The following NEO1 variants were observed in gnomAD, a reference collection of about 807,000 sequenced individuals.
NEO1 encodes neogenin.
Under a neutral mutation model 159.7 loss-of-function variants are expected in NEO1, and 63 were observed. The observed-to-expected ratio is 0.39, with a 90% CI of 0.32 to 0.49. NEO1 has a LOEUF of 0.49. Ranked by LOEUF, NEO1 falls within the 20% of genes least tolerant of loss-of-function variation. The probability of loss-of-function intolerance (pLI) is 0.85; values close to 1 mark genes in which losing one functional copy is unlikely to be tolerated. For missense variants in NEO1, 1,615 were observed against 1,831.0 expected, an observed-to-expected ratio of 0.88 and a Z score of 2.15; for synonymous variants, 633 against 662.0, an observed-to-expected ratio of 0.96 and a Z score of 0.67.
In NEO1 at chr15:73,270,596, G is replaced by T. The variant is rs566140646; in HGVS notation, c.2857+142G>T. Reference sequence around the variant, plus strand: ...TTTGCTATTTCAGCTGACAAGTTGTGTGTTTTTAATTACTGAACAAGAACA... The same window carrying T: ...TTTGCTATTTCAGCTGACAAGTTGTTTGTTTTTAATTACTGAACAAGAACA... On this transcript the variant is annotated intron_variant, in intron 18 of 28. Coordinates refer to ENST00000261908, the MANE Select transcript of NEO1 (RefSeq NM_002499.4). 7 of 941,416 alleles carry T rather than the reference G, an allele frequency of 7.4e-6. No homozygotes were observed. The Admixed American group carries it at 2.1e-4, about 28-fold the overall frequency. The allele number at this position is 941,416 out of a possible 1,614,324, so 58.3% of individuals were successfully genotyped here. A position where few individuals can be genotyped will look rare whatever the true frequency, so the allele number is the denominator to read the frequency against.
At chr15:73,086,815 C>G (rs369145948) in intron 1 of NEO1, among the ~76,000 whole-genome samples, 3 of 150,170 alleles carry the variant, frequency 2.0e-5, no homozygotes, top group Non-Finnish European at 4.4e-5. Context: ...CCACCCATGC[C>G]TGGCTAATTT....
At chr15:73,191,210 G>T (rs2036219718) in intron 7 of NEO1, among the ~76,000 whole-genome samples, 1 of 152,026 alleles carries the variant, frequency 6.6e-6, no homozygotes, top group Admixed American at 6.6e-5. Flanking sequence ...ACCTCTCTAT[G>T]CATCAGTTTT....
chr15:73,142,775 C>T (rs534791050), intron 5 of NEO1, among the ~76,000 whole-genome samples: 3 of 152,006 alleles, frequency 2.0e-5, no homozygotes, highest in Admixed American at 6.6e-5. Context: ...GGCTTTGCAG[C>T]GCAACAGCAA....
At chr15:73,215,251 G>A (rs553431430) in intron 7 of NEO1, among the ~76,000 whole-genome samples, 16 of 152,168 alleles carry the variant, frequency 1.1e-4, no homozygotes, top group African/African-American at 3.4e-4. Context: ...CCTCTTTACC[G>A]ATTTGGATGC....
At chr15:73,285,580 G>A (rs1396981399) in intron 23 of NEO1, among the ~76,000 whole-genome samples, 1 of 152,162 alleles carries the variant, frequency 6.6e-6, no homozygotes, top group Non-Finnish European at 1.5e-5. Context: ...ATATAAGCGA[G>A]CTTTTCTTAC....
intron 13 of NEO1, chr15:73,255,782 G>A (rs2040313144): frequency 6.6e-6 from 1 of 152,224 alleles, no homozygotes; most frequent in Non-Finnish European, 1.5e-5. Flanking sequence ...GGCTGGGCCT[G>A]TTGGAGTATT....
At chr15:73,170,211 C>CTTTTTTTCTTTTATCATA (rs1241493636) in intron 5 of NEO1, among the ~76,000 whole-genome samples, 1 of 152,014 alleles carries the variant, frequency 6.6e-6, no homozygotes, top group Non-Finnish European at 1.5e-5. Flanking sequence ...TGCAAAAAAT[C>CTTTTTTTCTTTTATCATA]TTTGGTTGTT....
intron 15 of NEO1, among the ~76,000 whole-genome samples, chr15:73,261,184 T>C (rs2040604299): frequency 6.6e-6 from 1 of 152,102 alleles, no homozygotes; most frequent in Non-Finnish European, 1.5e-5. Flanking sequence ...TCATCTAGTA[T>C]TTCACTAGCC....
At chr15:73,129,773 G>GA (rs2030845459) in intron 4 of NEO1, among the ~76,000 whole-genome samples, 1 of 152,180 alleles carries the variant, frequency 6.6e-6, no homozygotes, top group Non-Finnish European at 1.5e-5. Flanking sequence ...TATTACAATT[G>GA]ACAGTAGTAG....
intron 5 of NEO1, among the ~76,000 whole-genome samples, chr15:73,147,817 CTTTT>C (rs34612116): frequency 7.2e-6 from 1 of 139,772 alleles, no homozygotes; most frequent in African/African-American, 2.7e-5. Context: ...GGTGGAATGT[CTTTT>C]TTTTTTTTTT....
intron 1 of NEO1, among the ~76,000 whole-genome samples, chr15:73,061,356 T>G (rs2067969308): frequency 6.6e-6 from 1 of 152,232 alleles, no homozygotes; most frequent in East Asian, 1.9e-4. Flanking sequence ...CCCTGGCCTT[T>G]CCTTTTATCC....
At chr15:73,103,855 AATT>A (rs1373060808) in intron 1 of NEO1, among the ~76,000 whole-genome samples, 3 of 152,044 alleles carry the variant, frequency 2.0e-5, no homozygotes, top group Non-Finnish European at 4.4e-5. Flanking sequence ...AGAATGTGTA[AATT>A]ATTATTATTG....
At chr15:73,147,160 C>G (rs1000035827) in intron 5 of NEO1, among the ~76,000 whole-genome samples, 1 of 152,136 alleles carries the variant, frequency 6.6e-6, no homozygotes, top group African/African-American at 2.4e-5. Context: ...AAGAGTCCTT[C>G]TTTGTGGTGG....
chr15:73,284,604 GA>G (rs1259650649), intron 23 of NEO1, among the ~76,000 whole-genome samples: 1 of 60,104 alleles, frequency 1.7e-5, no homozygotes, highest in Non-Finnish European at 3.3e-5. Flanking sequence ...TTTTTCTTTT[GA>G]GACGGTGTCT....
At chr15:73,107,686 G>A (rs1416283312) in intron 1 of NEO1, among the ~76,000 whole-genome samples, 1 of 152,044 alleles carries the variant, frequency 6.6e-6, no homozygotes, top group Admixed American at 6.6e-5. Flanking sequence ...ATCATTCAGG[G>A]GATTGAATTG....
At chr15:73,085,203 T>C (rs977559341) in intron 1 of NEO1, among the ~76,000 whole-genome samples, 2 of 152,172 alleles carry the variant, frequency 1.3e-5, no homozygotes, top group African/African-American at 2.4e-5. Context: ...CCTTTCCCTT[T>C]TCCGGGCATA....
At chr15:73,095,489 T>C (rs2069965961) in intron 1 of NEO1, among the ~76,000 whole-genome samples, 1 of 152,152 alleles carries the variant, frequency 6.6e-6, no homozygotes, top group Admixed American at 6.5e-5. Context: ...AGTGATAATC[T>C]ATCATTTTTT....
At position 73,052,527 on chromosome 15, in the gene NEO1, G is replaced by GCGGGCCGGGC; in HGVS notation, c.-138_-129dup. 1.0e-5 allele frequency: 3 copies of GCGGGCCGGGC among 294,954 alleles called. No homozygotes were observed. Among genetic ancestry groups the GCGGGCCGGGC allele is most frequent in the Admixed American group, 5.7e-5 (1 of 17,624 alleles). The allele number at this position is 294,954 out of a possible 1,614,324, so 18.3% of individuals were successfully genotyped here. On this transcript the variant is annotated 5_prime_UTR_variant, in exon 1 of 29. Transcript: ENST00000261908. ...TCTCCCCTCCAGCGAGAGGGGCTGCGCGGGCCGGGCCGGGCCGGGCTGGGC... is the reference window on the plus strand; with the variant it reads ...TCTCCCCTCCAGCGAGAGGGGCTGCGCGGGCCGGGCCGGGCCGGGCCGGGCCGGGCTGGGC...
chr15:73,231,371 A>G (rs987584111), intron 7 of NEO1, among the ~76,000 whole-genome samples: 8 of 152,318 alleles, frequency 5.3e-5, no homozygotes, highest in South Asian at 4.1e-4. Context: ...TCTGACCACA[A>G]CAGAATTAAA....
Sources: gnomAD v4.1 joint callset for allele counts (sites outside exome capture counted in the v4.1 genomes callset) on GRCh38, gnomAD v4.1.1 for gene constraint, MANE v1.5 for transcripts, NCBI Gene and HGNC (gene_info 2026-07-23, HGNC 2026-07-21) for gene names.